Variants in PDZD8 observed in about 807,000 individuals in gnomAD.
The protein encoded by PDZD8 is PDZ domain containing 8.
A neutral mutation model predicts 85.8 loss-of-function variants in PDZD8; 14 were observed. That is an observed-to-expected ratio of 0.16 (90% CI 0.11 to 0.26). The LOEUF is 0.26. PDZD8 is among the 10% of genes least tolerant of loss of function. The pLI is 1.00. For synonymous variants in PDZD8, 592 were observed against 568.6 expected (o/e 1.04, Z -0.59); for missense variants, 1,197 against 1,424.3 (o/e 0.84, Z 2.57).
chr10:117,355,263 T>C (rs1404100355), intron 1 of PDZD8, among the ~76,000 whole-genome samples: 1 of 152,232 alleles, frequency 6.6e-6, no homozygotes, highest in Non-Finnish European at 1.5e-5. Context: ...TTTTCACTGC[T>C]GAAGTTCTAC....
At chr10:117,298,555 A>G in intron 3 of PDZD8, among the ~76,000 whole-genome samples, 1 of 152,142 alleles carries the variant, frequency 6.6e-6, no homozygotes, top group Admixed American at 6.6e-5. Flanking sequence ...TATAACTATC[A>G]TCAATACAGT....
intron 2 of PDZD8, among the ~76,000 whole-genome samples, chr10:117,319,892 C>G (rs1364553290): frequency 6.6e-6 from 1 of 151,974 alleles, no homozygotes; most frequent in African/African-American, 2.4e-5. Flanking sequence ...TACTTTACCT[C>G]TCTATGAAGA....
chr10:117,336,362 A>G (rs890633191), intron 2 of PDZD8, among the ~76,000 whole-genome samples: 1 of 152,244 alleles, frequency 6.6e-6, no homozygotes, highest in Non-Finnish European at 1.5e-5. Flanking sequence ...AAGTATTGAT[A>G]CATGAATATA....
intron 1 of PDZD8, among the ~76,000 whole-genome samples, chr10:117,343,041 A>G (rs771698128): frequency 6.1e-5 from 9 of 148,224 alleles, no homozygotes; most frequent in African/African-American, 1.7e-4. Context: ...AATGTCAAAT[A>G]TGACTTAGTC....
intron 1 of PDZD8, among the ~76,000 whole-genome samples, chr10:117,343,752 C>A (rs1488152645): frequency 6.6e-6 from 1 of 152,082 alleles, no homozygotes; most frequent in Non-Finnish European, 1.5e-5. Flanking sequence ...TGTTTATGCA[C>A]AAAAATAATC....
intron 3 of PDZD8, among the ~76,000 whole-genome samples, chr10:117,316,066 A>G (rs1327992604): frequency 1.3e-5 from 2 of 152,138 alleles, no homozygotes; most frequent in Non-Finnish European, 2.9e-5. Context: ...CTCTTGTAAG[A>G]TGATCCCCTA....
intron 1 of PDZD8, among the ~76,000 whole-genome samples, chr10:117,365,348 AG>A (rs1282760673): frequency 6.6e-6 from 1 of 152,210 alleles, no homozygotes; most frequent in Admixed American, 6.5e-5. Context: ...TTTTAAAAAA[AG>A]ATGCTAACAA....
intron 2 of PDZD8, among the ~76,000 whole-genome samples, 155 bp downstream of exon 2, chr10:117,340,825 T>C (rs923445771): frequency 4.6e-5 from 7 of 152,198 alleles, no homozygotes; most frequent in African/African-American, 1.7e-4. Flanking sequence ...TTGTTAAAGT[T>C]AGAAAGGACT....
intron 2 of PDZD8, among the ~76,000 whole-genome samples, chr10:117,319,280 T>G (rs764747840): frequency 6.6e-6 from 1 of 151,960 alleles, no homozygotes; most frequent in Non-Finnish European, 1.5e-5. Context: ...GAGCTATACA[T>G]CTTCAAAACA....
chr10:117,292,578 GTT>G (rs5788222), intron 3 of PDZD8, among the ~76,000 whole-genome samples: 41,349 of 149,268 alleles, frequency 0.28, 6,034 homozygotes, highest in Middle Eastern at 0.36. Context: ...TTTGGAATGT[GTT>G]TTTTTTTTTT....
At chr10:117,286,023 C>T (rs757778768) in intron 4 of PDZD8, among the ~76,000 whole-genome samples, 2 of 152,130 alleles carry the variant, frequency 1.3e-5, no homozygotes, top group South Asian at 2.1e-4. Context: ...TTTTATCAAC[C>T]GTACCCATCA....
chr10:117,370,915 AGTTT>A (rs1406315038), intron 1 of PDZD8, among the ~76,000 whole-genome samples: 1 of 99,534 alleles, frequency 1.0e-5, no homozygotes, highest in Non-Finnish European at 2.0e-5. Flanking sequence ...AGAACAACAT[AGTTT>A]GTGTGTGTGT....
At chr10:117,361,093 C>T (rs1203571873) in intron 1 of PDZD8, among the ~76,000 whole-genome samples, 1 of 152,140 alleles carries the variant, frequency 6.6e-6, no homozygotes, top group Non-Finnish European at 1.5e-5. Flanking sequence ...CATATATTTG[C>T]GAGAGAACAA....
At chr10:117,305,821 T>C (rs1336852998) in intron 3 of PDZD8, among the ~76,000 whole-genome samples, 1 of 152,164 alleles carries the variant, frequency 6.6e-6, no homozygotes, top group African/African-American at 2.4e-5. Flanking sequence ...GATTTAAAAT[T>C]AGTTTTTGAA....
intron 2 of PDZD8, among the ~76,000 whole-genome samples, chr10:117,333,117 C>CAAAAA (rs752527474): frequency 2.8e-4 from 2 of 7,258 alleles, no homozygotes; most frequent in African/African-American, 4.8e-4. Flanking sequence ...GACTCTGTCT[C>CAAAAA]AAAAAAAAAA....
chr10:117,371,237 T>TGCAG (rs1223629302), intron 1 of PDZD8, among the ~76,000 whole-genome samples: 1 of 152,154 alleles, frequency 6.6e-6, no homozygotes, highest in Non-Finnish European at 1.5e-5. Context: ...CAGGCTGGAG[T>TGCAG]GCAGTGGTGC....
chr10:117,365,262 A>T (rs1241155548), intron 1 of PDZD8, among the ~76,000 whole-genome samples: 1 of 152,176 alleles, frequency 6.6e-6, no homozygotes, highest in Non-Finnish European at 1.5e-5. Flanking sequence ...TATGGTACTA[A>T]TGGTCAATGT....
intron 2 of PDZD8, among the ~76,000 whole-genome samples, chr10:117,321,820 C>G (rs1844230323): frequency 6.6e-6 from 1 of 151,584 alleles, no homozygotes; most frequent in Non-Finnish European, 1.5e-5. Context: ...GATTATAAAC[C>G]AATAAAATGT....
At position 117,375,344 on chromosome 10, in the gene PDZD8, G is replaced by C; in HGVS notation, c.-117C>G. The C allele has an allele frequency of 1.1e-6, 1 of 900,796 alleles. No homozygotes were observed. Among genetic ancestry groups the C allele is most frequent in the East Asian group, 3.2e-5 (1 of 31,388 alleles). 55.8% of individuals were successfully genotyped at this position (900,796 alleles called of 1,614,324 possible). A position where few individuals can be genotyped will look rare whatever the true frequency, so the allele number is the denominator to read the frequency against. ...TCGGGCGGCTGGGTCGGGGCGAGCG[G>C]CTCCGTGGGCCTCGTCCAGGGGCTC... On this transcript the variant is annotated 5_prime_UTR_variant, in exon 1 of 5. Transcript: ENST00000334464.
Sources: allele counts gnomAD v4.1 joint callset (sites outside exome capture counted in the v4.1 genomes callset), GRCh38; gene constraint gnomAD v4.1.1; transcripts MANE v1.5; gene names NCBI Gene and HGNC (gene_info 2026-07-23, HGNC 2026-07-21).